Variants in CAST observed in about 807,000 individuals in gnomAD.
CAST encodes calpastatin.
A neutral mutation model predicts 119.6 loss-of-function variants in CAST; 76 were observed. The ratio of observed to expected loss-of-function variants is 0.64; its 90% CI spans 0.53 to 0.77. CAST has a LOEUF of 0.77. Among genes scored for constraint, CAST ranks in the 30% least tolerant of loss-of-function variants. The probability of loss-of-function intolerance (pLI) is 0.00; values close to 1 mark genes in which losing one functional copy is unlikely to be tolerated. For missense variants in CAST, 953 were observed against 946.5 expected (o/e 1.01, Z -0.09); for synonymous variants, 319 against 331.6 (o/e 0.96, Z 0.41).
the CAST span, among the ~76,000 whole-genome samples, chr5:96,445,170 C>T: frequency 2.0e-5 from 3 of 152,330 alleles, no homozygotes; most frequent in East Asian, 5.8e-4. Context: ...CCACACTTAA[C>T]TGTGCCTGGT....
At chr5:96,746,538 A>T (rs1763801561) in intron 17 of CAST, 113 bp downstream of exon 17, 2 of 758,066 alleles carry the variant, frequency 2.6e-6, no homozygotes, top group African/African-American at 1.7e-5. Context: ...TTCAGATATT[A>T]ACTCTGAAAA....
chr5:96,200,135 C>T, the CAST span, among the ~76,000 whole-genome samples: 11 of 152,124 alleles, frequency 7.2e-5, no homozygotes, highest in African/African-American at 2.2e-4. Context: ...GACAAAGCTG[C>T]CCGTGTGAAT....
chr5:96,427,657 A>C, the CAST span, among the ~76,000 whole-genome samples: 1 of 152,174 alleles, frequency 6.6e-6, no homozygotes, highest in East Asian at 1.9e-4. Flanking sequence ...CTTCATTGTC[A>C]TGAGATACTT....
chr5:96,507,925 A>G, the CAST span, among the ~76,000 whole-genome samples: 74 of 151,954 alleles, frequency 4.9e-4, 1 homozygote, highest in East Asian at 0.014. Flanking sequence ...AATTCTCAAA[A>G]CTTTGTTTCT....
chr5:96,026,289 G>T, the CAST span, among the ~76,000 whole-genome samples: 2 of 152,172 alleles, frequency 1.3e-5, no homozygotes, highest in Non-Finnish European at 2.9e-5. Context: ...CTGGGTTATG[G>T]TGGGACAGTG....
At chr5:96,639,619 C>T (rs939788122) in intron 1 of CAST, among the ~76,000 whole-genome samples, 3 of 152,156 alleles carry the variant, frequency 2.0e-5, no homozygotes, top group African/African-American at 7.2e-5. Context: ...GGTGCCTGGC[C>T]CCGGGAGGAG....
the CAST span, chr5:95,961,698 G>A: frequency 2.5e-6 from 4 of 1,602,436 alleles, no homozygotes; most frequent in Non-Finnish European, 3.4e-6. Context: ...CCTCCCGCAG[G>A]CCCCCTGTCC....
the CAST span, chr5:96,079,284 G>T: frequency 3.0e-6 from 1 of 337,880 alleles, no homozygotes; most frequent in East Asian, 1.0e-4. Context: ...TTACCAAATG[G>T]CATCAGGCTT....
chr5:96,154,280 A>G, the CAST span, among the ~76,000 whole-genome samples: 1 of 152,088 alleles, frequency 6.6e-6, no homozygotes, highest in East Asian at 1.9e-4. Flanking sequence ...TCCATCTCAA[A>G]AAACAACAAC....
At chr5:96,690,319 T>C (rs1321718917) in intron 2 of CAST, among the ~76,000 whole-genome samples, 1 of 151,974 alleles carries the variant, frequency 6.6e-6, no homozygotes, top group African/African-American at 2.4e-5. Flanking sequence ...GCAACCTCCA[T>C]CTCCCAGGTT....
chr5:96,599,919 T>C (rs1747114212), intron 1 of CAST, among the ~76,000 whole-genome samples: 1 of 143,084 alleles, frequency 7.0e-6, no homozygotes, highest in Non-Finnish European at 1.5e-5. Context: ...TTCCCACATT[T>C]CCCCTTCTCA....
At chr5:96,247,161 T>C in the CAST span, among the ~76,000 whole-genome samples, 1 of 152,244 alleles carries the variant, frequency 6.6e-6, no homozygotes, top group Admixed American at 6.5e-5. Flanking sequence ...GCACTGTCAC[T>C]ATGTCTGACT....
chr5:96,514,511 T>C, the CAST span, among the ~76,000 whole-genome samples: 1 of 152,188 alleles, frequency 6.6e-6, no homozygotes. Context: ...ATTCTATTAC[T>C]AGAGAGAGAA....
chr5:96,682,664 C>T (rs1003340579), intron 2 of CAST, among the ~76,000 whole-genome samples: 3 of 152,130 alleles, frequency 2.0e-5, no homozygotes, highest in African/African-American at 7.2e-5. Flanking sequence ...TAGAGCTTGT[C>T]AGCTGTGATG....
intron 16 of CAST, chr5:96,743,476 C>T: frequency 9.1e-7 from 1 of 1,104,742 alleles, no homozygotes; most frequent in Non-Finnish European, 1.2e-6. Flanking sequence ...GAGCCCGCCC[C>T]ACCTCCATCA....
chr5:96,083,711 T>C, the CAST span, among the ~76,000 whole-genome samples: 1 of 152,314 alleles, frequency 6.6e-6, no homozygotes, highest in Non-Finnish European at 1.5e-5. Flanking sequence ...GCACCATAAA[T>C]TGACTTGATG....
chr5:96,569,659 C>T (rs1292666617), intron 1 of CAST, among the ~76,000 whole-genome samples: 2 of 152,174 alleles, frequency 1.3e-5, no homozygotes, highest in Non-Finnish European at 2.9e-5. Flanking sequence ...CCTAGAAATA[C>T]TAGAGTTTAG....
At chr5:96,082,848 G>T in the CAST span, among the ~76,000 whole-genome samples, 2 of 152,084 alleles carry the variant, frequency 1.3e-5, no homozygotes, top group African/African-American at 2.4e-5. Flanking sequence ...AAAAAGGCAA[G>T]AAAGAAATTA....
the CAST span, among the ~76,000 whole-genome samples, chr5:96,031,921 A>G: frequency 6.6e-6 from 1 of 152,160 alleles, no homozygotes; most frequent in Admixed American, 6.5e-5. Context: ...GACATCAGCT[A>G]GGACTGCAGT....
Sources: allele counts gnomAD v4.1 joint callset (sites outside exome capture counted in the v4.1 genomes callset), GRCh38; gene constraint gnomAD v4.1.1; transcripts MANE v1.5; gene names NCBI Gene and HGNC (gene_info 2026-07-23, HGNC 2026-07-21).